EPHB1: variants seen among roughly 807,000 people sequenced by gnomAD.
EPHB1 encodes EPH receptor B1.
In EPHB1, 30 loss-of-function variants were observed where a neutral mutation model predicts 94.4. That is an observed-to-expected ratio of 0.32 (90% confidence interval 0.24 to 0.43). The LOEUF is 0.43. Ranked by LOEUF, EPHB1 falls within the 20% of genes least tolerant of loss-of-function variation. The pLI is 1.00. For synonymous variants in EPHB1, 522 were observed against 489.1 expected (o/e 1.07, Z -0.89); for missense variants, 1,055 against 1,308.3 (o/e 0.81, Z 2.99).
chr3:134,845,835 C>G (rs1379341371), intron 1 of EPHB1, among the ~76,000 whole-genome samples: 2 of 152,312 alleles, frequency 1.3e-5, no homozygotes, highest in East Asian at 3.9e-4. Flanking sequence ...GAGCATCTAA[C>G]AAGCTCTCCT....
chr3:135,032,287 T>C (rs1936501708), intron 3 of EPHB1, among the ~76,000 whole-genome samples: 1 of 151,928 alleles, frequency 6.6e-6, no homozygotes, highest in Admixed American at 6.5e-5. Context: ...GATTTTTTTT[T>C]TCTTTTTTTA....
intron 13 of EPHB1, among the ~76,000 whole-genome samples, chr3:135,245,005 C>CACAA (rs975877698): frequency 1.1e-4 from 17 of 152,282 alleles, no homozygotes; most frequent in Admixed American, 9.2e-4. Flanking sequence ...ATTTTCTAAA[C>CACAA]ACAAACATGG....
At chr3:135,093,105 GCA>G (rs1938617711) in intron 3 of EPHB1, among the ~76,000 whole-genome samples, 1 of 152,224 alleles carries the variant, frequency 6.6e-6, no homozygotes, top group Non-Finnish European at 1.5e-5. Context: ...CTATCTCAGA[GCA>G]CACAGAAAGT....
At chr3:134,825,032 C>G (rs1373036894) in intron 1 of EPHB1, among the ~76,000 whole-genome samples, 1 of 152,232 alleles carries the variant, frequency 6.6e-6, no homozygotes, top group Non-Finnish European at 1.5e-5. Context: ...ATTACTGTCT[C>G]AAGCCAGTAA....
At chr3:135,216,722 C>T (rs1248901243) in intron 12 of EPHB1, among the ~76,000 whole-genome samples, 2 of 50,428 alleles carry the variant, frequency 4.0e-5, no homozygotes, top group African/African-American at 8.0e-5. Flanking sequence ...CACTCTGTCT[C>T]AGGGAAAAAA....
At chr3:135,215,454 C>T (rs1943128278) in intron 12 of EPHB1, among the ~76,000 whole-genome samples, 3 of 152,152 alleles carry the variant, frequency 2.0e-5, no homozygotes, top group Admixed American at 2.0e-4. Context: ...TGAGCCACCA[C>T]GCCCGGCCCA....
intron 3 of EPHB1, among the ~76,000 whole-genome samples, chr3:135,088,014 G>A (rs1166215401): frequency 6.6e-6 from 1 of 152,210 alleles, no homozygotes; most frequent in African/African-American, 2.4e-5. Flanking sequence ...GGGACTGAGA[G>A]CCAGCATATG....
intron 3 of EPHB1, among the ~76,000 whole-genome samples, chr3:134,986,908 A>C (rs1934620891): frequency 6.6e-6 from 1 of 152,186 alleles, no homozygotes; most frequent in South Asian, 2.1e-4. Flanking sequence ...ATCTTTGTGA[A>C]AATCTCACCA....
chr3:135,047,176 A>G (rs183150777), intron 3 of EPHB1, among the ~76,000 whole-genome samples: 3 of 151,892 alleles, frequency 2.0e-5, no homozygotes, highest in African/African-American at 4.8e-5. Flanking sequence ...AATGAACTCA[A>G]AAAAGGCCCT....
intron 1 of EPHB1, among the ~76,000 whole-genome samples, chr3:134,827,211 A>G (rs1187258755): frequency 1.3e-5 from 2 of 152,244 alleles, no homozygotes; most frequent in Non-Finnish European, 2.9e-5. Flanking sequence ...ACAAATTCAC[A>G]CAATTACTAT....
At chr3:135,240,999 C>A in intron 12 of EPHB1, 149 bp from the exon 13 acceptor site, 3 of 941,310 alleles carry the variant, frequency 3.2e-6, no homozygotes, top group Non-Finnish European at 4.9e-6. Context: ...AGCAACATAG[C>A]TTGTGCACGA....
At chr3:134,910,917 A>T (rs1399880058) in intron 1 of EPHB1, among the ~76,000 whole-genome samples, 1 of 152,248 alleles carries the variant, frequency 6.6e-6, no homozygotes, top group African/African-American at 2.4e-5. Flanking sequence ...ACAGGGTGAG[A>T]ACTGGGACAG....
intron 1 of EPHB1, among the ~76,000 whole-genome samples, chr3:134,808,120 G>C (rs1560242177): frequency 6.6e-6 from 1 of 152,224 alleles, no homozygotes; most frequent in Non-Finnish European, 1.5e-5. Context: ...AGACTAATCA[G>C]CACAGTCACT....
intron 15 of EPHB1, among the ~76,000 whole-genome samples, chr3:135,251,788 C>T (rs1405561983): frequency 6.6e-6 from 1 of 152,206 alleles, no homozygotes; most frequent in Non-Finnish European, 1.5e-5. Context: ...GAGATCCAGC[C>T]AAGCGTTCAC....
chr3:134,832,981 G>GT (rs2036605946), intron 1 of EPHB1, among the ~76,000 whole-genome samples: 3 of 152,194 alleles, frequency 2.0e-5, no homozygotes, highest in Admixed American at 2.0e-4. Context: ...CAGTAATGCT[G>GT]TTTTTTAAAA....
At chr3:135,041,251 C>T (rs981071014) in intron 3 of EPHB1, among the ~76,000 whole-genome samples, 1 of 152,170 alleles carries the variant, frequency 6.6e-6, no homozygotes, top group African/African-American at 2.4e-5. Flanking sequence ...CCAGTGCTTT[C>T]AACCCCCCAG....
chr3:134,895,205 C>T (rs2038065066), intron 1 of EPHB1, among the ~76,000 whole-genome samples: 1 of 152,200 alleles, frequency 6.6e-6, no homozygotes, highest in Non-Finnish European at 1.5e-5. Context: ...GCATTGAGGG[C>T]CACCTTGCTC....
At chr3:135,211,051 T>C (rs1358678650) in intron 12 of EPHB1, among the ~76,000 whole-genome samples, 2 of 152,240 alleles carry the variant, frequency 1.3e-5, no homozygotes, top group Non-Finnish European at 2.9e-5. Flanking sequence ...TTTACTTCTT[T>C]GCATTTACTT....
intron 1 of EPHB1, among the ~76,000 whole-genome samples, chr3:134,882,722 T>TCTTCTTTC (rs1007007069): frequency 7.0e-5 from 10 of 142,594 alleles, no homozygotes; most frequent in Admixed American, 3.5e-4. Context: ...CTTCTTTCCT[T>TCTTCTTTC]CTTCTTTCCT....
Sources: allele counts gnomAD v4.1 joint callset (sites outside exome capture counted in the v4.1 genomes callset), GRCh38; gene constraint gnomAD v4.1.1; transcripts MANE v1.5; gene names NCBI Gene and HGNC (gene_info 2026-07-23, HGNC 2026-07-21).